Variants in PPFIA4 observed in about 807,000 individuals in gnomAD.
PPFIA4 encodes PPFI scaffold protein A4.
In PPFIA4, 98 loss-of-function variants were observed where a neutral mutation model predicts 145.7. The observed-to-expected ratio is 0.67, with a 90% CI of 0.57 to 0.80. The LOEUF (loss-of-function observed/expected upper bound fraction) is 0.80, where lower values mean the gene tolerates loss of function less well. PPFIA4 is among the 30% of genes least tolerant of loss of function. PPFIA4 has a pLI of 0.00. For synonymous variants in PPFIA4, 628 were observed against 649.6 expected, an observed-to-expected ratio of 0.97 and a Z score of 0.51; for missense variants, 1,457 against 1,632.7, an observed-to-expected ratio of 0.89 and a Z score of 1.85.
chr1:203,063,636 TTCCATTTAAAATCCTCACC>T (rs2102679191), intron 24 of PPFIA4, 173 bp from the exon 25 acceptor site: 1 of 567,902 alleles, frequency 1.8e-6, no homozygotes, highest in Admixed American at 3.2e-5. Context: ...TCTTAAAAAG[TTCCATTTAAAATCCTCACC>T]TCCCACCACT....
intron 29 of PPFIA4, 62 bp from the exon 30 acceptor site, chr1:203,076,279 T>C: frequency 2.0e-6 from 3 of 1,535,336 alleles, no homozygotes; most frequent in Non-Finnish European, 2.7e-6. Flanking sequence ...TCCTACAACC[T>C]CTCTCGCAGA....
rs77157759 is a variant in PPFIA4 at position 203,068,966 on chromosome 1, G to C, written c.3324+338G>C. 3.4e-3 allele frequency among the ~76,000 whole-genome samples: 521 copies of C among 152,166 alleles called. 2 individuals are homozygous for C. The highest frequency in any genetic ancestry group is 0.012 in the African/African-American group (500 of 41,498). On this transcript the variant is annotated intron_variant, in intron 27 of 29. Transcript: ENST00000295706. The surrounding 1 kb of genome is among the most constrained non-coding windows in gnomAD (Gnocchi z 4.7). ...GACTCTGAGCCTTCCTTTTCATCCT[G>C]CTTCTCTGATCTGACTTTTCTTAGA...
rs1282888123 is a variant in PPFIA4, at chr1:203,078,025, G to A, written c.*1635G>A. On this transcript the variant is annotated 3_prime_UTR_variant, in exon 30 of 30. Coordinates refer to ENST00000295706, the MANE Select transcript of PPFIA4 (RefSeq NM_001304331.2). ...GGCACCCAGTCCAGAAGGAGCAATG[G>A]CACCTGGGCAGTGCCAGGGCTTAAA... The A allele has an allele frequency of 1.3e-5, 2 of 152,250 alleles. No homozygotes were observed. The highest frequency in any genetic ancestry group is 6.5e-5 in the Admixed American group (1 of 15,288). The allele number at this position is 152,250 out of a possible 1,614,324, so 9.4% of individuals were successfully genotyped here. A position where few individuals can be genotyped will look rare whatever the true frequency, so the allele number is the denominator to read the frequency against.
chr1:203,035,229 A>T, intron 1 of PPFIA4: 1 of 453,364 alleles, frequency 2.2e-6, no homozygotes, highest in Non-Finnish European at 4.4e-6. Context: ...AGCCCCTCAG[A>T]CGCTCCTAGC....
chr1:203,048,565 A>G lies in PPFIA4; in HGVS notation c.1225-18A>G. 6.4e-7 allele frequency: 1 copy of G among 1,567,154 alleles called. No homozygotes were observed. The highest frequency in any genetic ancestry group is 1.4e-5 in the African/African-American group (1 of 73,790). Reference sequence around the variant, plus strand: ...CTCCCTGGGAGGGCGGCCTGGTGCGAGGCAGACGGCTGTGCAGGTGCGCCA... The same window carrying G: ...CTCCCTGGGAGGGCGGCCTGGTGCGGGGCAGACGGCTGTGCAGGTGCGCCA... On this transcript the variant is annotated intron_variant, in intron 10 of 29. Transcript: ENST00000295706. This position sits in a 1 kb window ranked among gnomAD's most constrained non-coding sequence, Gnocchi z 5.8.
At chr1:203,056,005 C>A in intron 16 of PPFIA4, 115 bp from the exon 17 acceptor site, 1 of 1,021,876 alleles carries the variant, frequency 9.8e-7, no homozygotes, top group Non-Finnish European at 1.4e-6. Context: ...TCTCTCCGGG[C>A]CTGTGTGAGG....
At chr1:203,051,190 CT>C (rs1660478376) in intron 13 of PPFIA4, 2 of 985,284 alleles carry the variant, frequency 2.0e-6, no homozygotes, top group African/African-American at 3.5e-5. Flanking sequence ...AGTATTTTCT[CT>C]GGCTTGTGTT....
chr1:203,046,414 T>G (rs1193904445), intron 9 of PPFIA4, 32 bp downstream of exon 9: 1 of 1,563,240 alleles, frequency 6.4e-7, no homozygotes, highest in Non-Finnish European at 8.7e-7. Flanking sequence ...GATCTGCCTC[T>G]GTCCCCCATG....
In PPFIA4 at chr1:203,075,625, C is replaced by T. The variant is rs374111189; in HGVS notation, c.3442C>T (p.Arg1148Trp). The change falls in exon 29 of 30, where the codon CGG (arginine) becomes TGG (tryptophan). Residue 1148 changes from arginine (R) to tryptophan (W), a missense_variant. Arg to Trp is a moderately radical substitution (Grantham distance 101, BLOSUM62 -3). This residue lies in a region of PPFIA4 where 146 missense variants were observed against 126.2 expected (regional missense o/e 1.16). Transcript: ENST00000295706. This position sits in a 1 kb window ranked among gnomAD's most constrained non-coding sequence, Gnocchi z 4.1. ...CGCGCCCTCCTGGAGGAAGCGCTTC[C>T]GGCCGCGGGAGCACCACGGTCGCGG... ...RRAPSWRKRF[R>W]PREHHGRGGM... 2.7e-6 allele frequency: 4 copies of T among 1,483,930 alleles called. No individual in the cohort carries two copies. Among genetic ancestry groups the T allele is most frequent in the Non-Finnish European group, 3.6e-6 (4 of 1,116,238 alleles). 91.9% of individuals were successfully genotyped at this position (1,483,930 alleles called of 1,614,324 possible).
intron 19 of PPFIA4, 24 bp from the exon 20 acceptor site, chr1:203,059,154 A>G (rs982412197): frequency 2.7e-6 from 4 of 1,467,378 alleles, no homozygotes; most frequent in Non-Finnish European, 3.7e-6. Flanking sequence ...GGGCTGGCTG[A>G]CACACACATC....
chr1:203,068,378 T>C lies in PPFIA4; in HGVS notation c.3149-75T>C. On this transcript the variant is annotated intron_variant, in intron 26 of 29. Coordinates refer to ENST00000295706, the MANE Select transcript of PPFIA4 (RefSeq NM_001304331.2). The surrounding 1 kb of genome is among the most constrained non-coding windows in gnomAD (Gnocchi z 4.7). Reference sequence around the variant, plus strand: ...GACTGCGGCTCTGGGTTTAGGGAGCTCTGCTTCTGTCCTTGGAGGGCCCTT... The same window carrying C: ...GACTGCGGCTCTGGGTTTAGGGAGCCCTGCTTCTGTCCTTGGAGGGCCCTT... 7.3e-7 allele frequency: 1 copy of C among 1,361,128 alleles called. No individual in the cohort carries two copies. The highest frequency in any genetic ancestry group is 1.0e-6 in the Non-Finnish European group (1 of 1,000,714). The allele number at this position is 1,361,128 out of a possible 1,614,324, so 84.3% of individuals were successfully genotyped here. A position where few individuals can be genotyped will look rare whatever the true frequency, so the allele number is the denominator to read the frequency against.
chr1:203,039,682 T>C (rs1659563968), intron 2 of PPFIA4, among the ~76,000 whole-genome samples: 1 of 152,222 alleles, frequency 6.6e-6, no homozygotes, highest in African/African-American at 2.4e-5. Context: ...TGGAAGATGA[T>C]AGGCAGGGCT....
intron 2 of PPFIA4, among the ~76,000 whole-genome samples, chr1:203,042,191 T>C (rs141431528): frequency 4.6e-5 from 7 of 152,206 alleles, no homozygotes; most frequent in East Asian, 3.9e-4. Context: ...GGCCACTCAT[T>C]TGAAAACCTC....
chr1:203,029,991 G>A (rs533990651), intron 1 of PPFIA4, among the ~76,000 whole-genome samples: 3 of 152,114 alleles, frequency 2.0e-5, no homozygotes, highest in East Asian at 1.9e-4. Flanking sequence ...TGCTTATTTC[G>A]CCCAGCTGTT....
rs181463152 is a variant in PPFIA4, at chr1:203,073,059, G to C, written c.3393+1299G>C. Among the ~76,000 whole-genome samples the C allele has an allele frequency of 1.6e-3, 237 of 152,258 alleles. 1 individual carries two copies. Among genetic ancestry groups the C allele is most frequent in the African/African-American group, 5.6e-3 (232 of 41,528 alleles). On this transcript the variant is annotated intron_variant, in intron 28 of 29. Transcript: ENST00000295706. ...TATTAGTGTGGTGCTGTCTAATTTA[G>C]AAGCTATGTAGTCCTTCAATCCTTA...
rs915810892 is a variant in PPFIA4 at position 203,078,506 on chromosome 1, G to A, written c.*2116G>A. The A allele has an allele frequency of 2.6e-5, 4 of 152,622 alleles. No individual in the cohort carries two copies. Among genetic ancestry groups the A allele is most frequent in the African/African-American group, 9.7e-5 (4 of 41,442 alleles). The allele number at this position is 152,622 out of a possible 1,614,324, so 9.5% of individuals were successfully genotyped here. A position where few individuals can be genotyped will look rare whatever the true frequency, so the allele number is the denominator to read the frequency against. Reference sequence around the variant, plus strand: ...TTAAGAAGAGAACTCTGTGCAAACAGTGATGGAAGGCTGTTGTCTTGGTGT... The same window carrying A: ...TTAAGAAGAGAACTCTGTGCAAACAATGATGGAAGGCTGTTGTCTTGGTGT... On this transcript the variant is annotated 3_prime_UTR_variant, in exon 30 of 30. Transcript: ENST00000295706.
intron 28 of PPFIA4, among the ~76,000 whole-genome samples, chr1:203,072,785 T>C (rs1662259779): frequency 6.6e-6 from 1 of 152,220 alleles, no homozygotes; most frequent in South Asian, 2.1e-4. Context: ...TTTGTGGAAG[T>C]GTTTTCTTCA....
Position 203,032,429 on chromosome 1 carries a change from T to TG in PPFIA4, c.-400+5800_-400+5801insG, listed in dbSNP as rs1238161881. 4.3e-3 allele frequency among the ~76,000 whole-genome samples: 482 copies of TG among 112,728 alleles called. 4 individuals carry two copies. Among genetic ancestry groups the TG allele is most frequent in the African/African-American group, 0.014 (389 of 28,624 alleles). 74.0% of individuals were successfully genotyped at this position (112,728 alleles called of 152,430 possible). On this transcript the variant is annotated intron_variant, in intron 1 of 29. Coordinates refer to ENST00000295706, the MANE Select transcript of PPFIA4 (RefSeq NM_001304331.2). ...GCTTGTAGTTCTCCCTTCCCCGCTT[T>TG]TTTGTTGTTGTTGTTGTTTTTGAAA...
rs1314484709 is a variant in PPFIA4, at chr1:203,078,063, T to A, written c.*1673T>A. On this transcript the variant is annotated 3_prime_UTR_variant, in exon 30 of 30. Transcript: ENST00000295706. Reference sequence around the variant, plus strand: ...GCCAGGGCTTAAAGCCCGCTGCTCCTTTTCGGTAGAGGAGAGGCCCATCAC... The same window carrying A: ...GCCAGGGCTTAAAGCCCGCTGCTCCATTTCGGTAGAGGAGAGGCCCATCAC... The A allele has an allele frequency of 1.3e-5, 2 of 152,214 alleles. No individual in the cohort carries two copies. The highest frequency in any genetic ancestry group is 4.8e-5 in the African/African-American group (2 of 41,430). 9.4% of individuals were successfully genotyped at this position (152,214 alleles called of 1,614,324 possible).
Sources: allele counts gnomAD v4.1 joint callset (sites outside exome capture counted in the v4.1 genomes callset), GRCh38; gene constraint gnomAD v4.1.1; regional missense constraint gnomAD v4.1.1; non-coding constraint Gnocchi (gnomAD v3.1); transcripts MANE v1.5; gene names NCBI Gene and HGNC (gene_info 2026-07-23, HGNC 2026-07-21).